SND1: variants seen among roughly 807,000 people sequenced by gnomAD.
SND1 encodes staphylococcal nuclease domain-containing protein 1.
SND1 carries 38 observed loss-of-function variants against 121.7 expected under a neutral mutation model. The ratio of observed to expected loss-of-function variants is 0.31; its 90% CI spans 0.24 to 0.41. The LOEUF is 0.41. Ranked by LOEUF, SND1 falls within the 10% of genes least tolerant of loss-of-function variation. The pLI, the probability that SND1 is intolerant of heterozygous loss-of-function variation, is 1.00. For missense variants in SND1, 868 were observed against 1,184.6 expected, an observed-to-expected ratio of 0.73 and a Z score of 3.92; for synonymous variants, 401 against 447.4, an observed-to-expected ratio of 0.90 and a Z score of 1.31.
intron 15 of SND1, among the ~76,000 whole-genome samples, chr7:127,977,069 C>T (rs1193336): frequency 0.4 from 61,184 of 151,906 alleles, 12,696 homozygotes; most frequent in South Asian, 0.5. Flanking sequence ...TCTCTCCACA[C>T]CCCTCCCCCG....
chr7:127,846,658 G>T (rs1799069534), intron 12 of SND1, among the ~76,000 whole-genome samples: 1 of 152,196 alleles, frequency 6.6e-6, no homozygotes, highest in Admixed American at 6.5e-5. Flanking sequence ...TTGGATGTTA[G>T]TAGCATCTAA....
At chr7:128,002,629 G>T (rs927692311) in intron 16 of SND1, among the ~76,000 whole-genome samples, 6 of 152,160 alleles carry the variant, frequency 3.9e-5, no homozygotes, top group Admixed American at 2.6e-4. Context: ...TGCCATAGGG[G>T]TATTTGGAGA....
At chr7:128,018,779 G>A (rs960220055) in intron 16 of SND1, among the ~76,000 whole-genome samples, 2 of 152,160 alleles carry the variant, frequency 1.3e-5, no homozygotes, top group African/African-American at 4.8e-5. Flanking sequence ...AACAACTTTA[G>A]CAGTAACTCA....
chr7:127,716,172 G>C (rs532560190), intron 9 of SND1, among the ~76,000 whole-genome samples: 2 of 152,162 alleles, frequency 1.3e-5, no homozygotes, highest in East Asian at 3.9e-4. Context: ...CCTTTTTCTG[G>C]ATTGTTTTGG....
intron 15 of SND1, among the ~76,000 whole-genome samples, chr7:127,967,610 T>TAGCC (rs1247262948): frequency 6.6e-6 from 1 of 152,230 alleles, no homozygotes; most frequent in African/African-American, 2.4e-5. Context: ...CTACCCTTGC[T>TAGCC]GGCTTATCCT....
At chr7:127,905,724 CCA>C (rs1465197110) in intron 14 of SND1, among the ~76,000 whole-genome samples, 3 of 152,088 alleles carry the variant, frequency 2.0e-5, no homozygotes, top group Non-Finnish European at 4.4e-5. Flanking sequence ...CATTTCAACA[CCA>C]CAGTCACTAA....
chr7:127,766,794 A>AAAAAAAAAAAAT (rs1797428903), intron 10 of SND1, among the ~76,000 whole-genome samples: 1 of 149,912 alleles, frequency 6.7e-6, no homozygotes, highest in East Asian at 2.0e-4. Context: ...AAAAAAAAAA[A>AAAAAAAAAAAAT]AAAAAAATAG....
chr7:128,008,622 G>A (rs1475548598), intron 16 of SND1, among the ~76,000 whole-genome samples: 1 of 152,172 alleles, frequency 6.6e-6, no homozygotes, highest in Non-Finnish European at 1.5e-5. Flanking sequence ...AGGGCACAGG[G>A]TGGGCCCATG....
At chr7:127,961,948 C>T (rs1224496753) in intron 15 of SND1, among the ~76,000 whole-genome samples, 1 of 152,184 alleles carries the variant, frequency 6.6e-6, no homozygotes, top group Non-Finnish European at 1.5e-5. Context: ...GGCCTGAATG[C>T]TCTCAGCACC....
At chr7:127,788,696 C>T (rs955598911) in intron 10 of SND1, among the ~76,000 whole-genome samples, 1 of 152,158 alleles carries the variant, frequency 6.6e-6, no homozygotes, top group African/African-American at 2.4e-5. Flanking sequence ...AGTCTGTTGT[C>T]ATATCTTCCT....
intron 10 of SND1, among the ~76,000 whole-genome samples, chr7:127,748,547 A>G (rs1280136451): frequency 6.6e-6 from 1 of 152,232 alleles, no homozygotes; most frequent in Non-Finnish European, 1.5e-5. Context: ...TAGGAAAGAG[A>G]TGAAATATTT....
At chr7:127,915,815 G>A (rs780412060) in intron 14 of SND1, among the ~76,000 whole-genome samples, 23 of 152,232 alleles carry the variant, frequency 1.5e-4, no homozygotes, top group Non-Finnish European at 3.1e-4. Context: ...AAGGTCCTGA[G>A]GTGGAAGATT....
At chr7:127,930,560 G>A (rs957391697) in intron 15 of SND1, among the ~76,000 whole-genome samples, 1 of 152,092 alleles carries the variant, frequency 6.6e-6, no homozygotes, top group Admixed American at 6.5e-5. Context: ...CCTTCTGAAG[G>A]GACTCATTGA....
At chr7:127,957,721 A>T (rs1009857851) in intron 15 of SND1, among the ~76,000 whole-genome samples, 1 of 151,966 alleles carries the variant, frequency 6.6e-6, no homozygotes, top group African/African-American at 2.4e-5. Context: ...TTTTTGTGAG[A>T]TGGAGTTTCG....
At chr7:127,797,480 C>A (rs1247841026) in intron 10 of SND1, among the ~76,000 whole-genome samples, 2 of 152,252 alleles carry the variant, frequency 1.3e-5, no homozygotes, top group Admixed American at 6.5e-5. Flanking sequence ...TGAGTCCTCA[C>A]TGTTCCTCTA....
At chr7:127,739,324 A>G (rs887730866) in intron 10 of SND1, among the ~76,000 whole-genome samples, 21 of 152,228 alleles carry the variant, frequency 1.4e-4, no homozygotes, top group Admixed American at 9.2e-4. Context: ...CGCTCTTTCT[A>G]TATGCCCTTT....
At chr7:128,001,885 C>T (rs1584729774) in intron 16 of SND1, among the ~76,000 whole-genome samples, 2 of 152,136 alleles carry the variant, frequency 1.3e-5, no homozygotes, top group Non-Finnish European at 2.9e-5. Context: ...GAGCCAAGAT[C>T]GCACCACTGC....
intron 3 of SND1, among the ~76,000 whole-genome samples, chr7:127,697,126 T>C (rs1286109920): frequency 6.6e-6 from 1 of 152,156 alleles, no homozygotes; most frequent in African/African-American, 2.4e-5. Flanking sequence ...GAAGAGATGA[T>C]TAGTTTTCTG....
intron 16 of SND1, among the ~76,000 whole-genome samples, chr7:128,033,068 T>TG (rs1451034740): frequency 2.0e-5 from 3 of 152,006 alleles, no homozygotes; most frequent in Non-Finnish European, 2.9e-5. Context: ...CCCAGAGAAC[T>TG]GGGGGAAGGG....
Sources: allele counts gnomAD v4.1 joint callset (sites outside exome capture counted in the v4.1 genomes callset), GRCh38; gene constraint gnomAD v4.1.1; transcripts MANE v1.5; gene names NCBI Gene and HGNC (gene_info 2026-07-23, HGNC 2026-07-21).